BCAS3: variants seen among roughly 807,000 people sequenced by gnomAD.
The protein encoded by BCAS3 is BCAS3 microtubule associated cell migration factor.
In BCAS3, 53 loss-of-function variants were observed where a neutral mutation model predicts 116.1. The observed-to-expected ratio is 0.46, with a 90% confidence interval of 0.37 to 0.57. BCAS3 has a LOEUF of 0.57. BCAS3 is among the 20% of genes least tolerant of loss of function. The pLI, the probability that BCAS3 is intolerant of heterozygous loss-of-function variation, is 0.00. For synonymous variants in BCAS3, 391 were observed against 408.2 expected (o/e 0.96, Z 0.51); for missense variants, 917 against 1,165.4 (o/e 0.79, Z 3.10).
At chr17:61,172,620 G>C (rs569938875) in intron 22 of BCAS3, among the ~76,000 whole-genome samples, 1 of 152,068 alleles carries the variant, frequency 6.6e-6, no homozygotes, top group African/African-American at 2.4e-5. Context: ...CTGGGCGACA[G>C]AGCGAGACTC....
chr17:60,848,860 T>C (rs1485617563), intron 7 of BCAS3, among the ~76,000 whole-genome samples: 1 of 150,682 alleles, frequency 6.6e-6, no homozygotes, highest in Non-Finnish European at 1.5e-5. Context: ...AAAAAAGTAC[T>C]CTTGTATTAG....
chr17:60,948,068 A>G (rs992023293), intron 14 of BCAS3, among the ~76,000 whole-genome samples: 2 of 151,928 alleles, frequency 1.3e-5, no homozygotes, highest in Admixed American at 1.3e-4. Flanking sequence ...TGCTTCACAT[A>G]TATTTAATAT....
At chr17:60,917,788 T>C (rs1212996028) in intron 12 of BCAS3, among the ~76,000 whole-genome samples, 1 of 152,184 alleles carries the variant, frequency 6.6e-6, no homozygotes, top group Admixed American at 6.5e-5. Flanking sequence ...AGACAAGGTT[T>C]CGCTATGTTG....
chr17:60,877,417 A>G (rs1165774637), intron 9 of BCAS3, among the ~76,000 whole-genome samples: 3 of 152,152 alleles, frequency 2.0e-5, no homozygotes, highest in African/African-American at 4.8e-5. Context: ...GACTTTTAGT[A>G]AGCACAAAAC....
At chr17:60,788,661 T>C (rs1432952863) in intron 6 of BCAS3, among the ~76,000 whole-genome samples, 1 of 152,150 alleles carries the variant, frequency 6.6e-6, no homozygotes, top group Non-Finnish European at 1.5e-5. Context: ...TTGTTGATGG[T>C]GCCTGGAGCC....
Position 60,910,555 on chromosome 17 carries a change from G to T in BCAS3, c.846G>T (p.Met282Ile), listed in dbSNP as rs370182784. The T allele has an allele frequency of 6.2e-7, 1 of 1,607,890 alleles. No homozygotes were observed. The highest frequency in any genetic ancestry group is 8.5e-7 in the Non-Finnish European group (1 of 1,177,304). The change falls in exon 12 of 24, where the codon ATG (methionine) becomes ATT (isoleucine). Residue 282 changes from methionine (M) to isoleucine (I), a missense_variant. By Grantham distance (10) the Met-to-Ile change is conservative. Around this residue, in one of 3 missense-constraint regions of BCAS3, gnomAD observed 807 missense variants for 1,026.0 expected, o/e 0.79. Transcript: ENST00000407086. Reference protein sequence around the residue: ...AAKTLKSGLTMVGKVVTQLTG... With the variant: ...AAKTLKSGLTIVGKVVTQLTG... ...AGACATTGAAAAGTGGCCTGACAAT[G>T]GTAGGGAAAGTGGTGACTCAGCTGA...
intron 6 of BCAS3, among the ~76,000 whole-genome samples, chr17:60,760,413 G>GC (rs59342350): frequency 0.26 from 40,048 of 151,412 alleles, 11,141 homozygotes; most frequent in African/African-American, 0.71. Context: ...CCCAGCTTTT[G>GC]TTATCTTGGA....
chr17:61,108,526 T>C (rs1678080992), intron 22 of BCAS3, among the ~76,000 whole-genome samples: 1 of 152,064 alleles, frequency 6.6e-6, no homozygotes, highest in Non-Finnish European at 1.5e-5. Flanking sequence ...TTAGGCTCGA[T>C]TTGGTTTTTC....
intron 19 of BCAS3, chr17:61,070,367 ATAT>A: frequency 3.4e-5 from 1 of 29,486 alleles, no homozygotes; most frequent in Middle Eastern, 9.1e-3. Context: ...CTAATTCTGA[ATAT>A]ATATATATAT....
intron 7 of BCAS3, among the ~76,000 whole-genome samples, chr17:60,850,660 A>G (rs528343601): frequency 2.6e-5 from 4 of 152,222 alleles, no homozygotes; most frequent in African/African-American, 9.6e-5. Flanking sequence ...CGCCCGGCCA[A>G]TTTTAGACCT....
chr17:60,681,082 G>A (rs917479891), intron 2 of BCAS3, among the ~76,000 whole-genome samples: 1 of 152,170 alleles, frequency 6.6e-6, no homozygotes, highest in Non-Finnish European at 1.5e-5. Context: ...GCAGGCGCCT[G>A]GAGCCTTAGC....
intron 22 of BCAS3, among the ~76,000 whole-genome samples, chr17:61,341,296 T>C (rs2057132889): frequency 6.6e-6 from 1 of 152,150 alleles, no homozygotes; most frequent in South Asian, 2.1e-4. Context: ...CACCCTGGTC[T>C]AAGGGATGAG....
intron 11 of BCAS3, among the ~76,000 whole-genome samples, chr17:60,909,937 G>A (rs1293890916): frequency 6.6e-6 from 1 of 152,058 alleles, no homozygotes; most frequent in Non-Finnish European, 1.5e-5. Context: ...AACTAATTTA[G>A]TATGATACTT....
chr17:61,066,019 A>G (rs554808051), intron 19 of BCAS3, among the ~76,000 whole-genome samples: 2 of 152,360 alleles, frequency 1.3e-5, no homozygotes, highest in East Asian at 3.9e-4. Context: ...AGGTAACTAT[A>G]TGATTATCTC....
In BCAS3 at chr17:60,961,373, G is replaced by A. The variant is rs1567972565; in HGVS notation, c.1221+14021G>A. ...GGCTAGTCTGAAATCAGTAGGGCTG[G>A]CCAGAAGGAATGTCCAGGTGGAAAC... On this transcript the variant is annotated intron_variant, in intron 14 of 23. Transcript: ENST00000407086. This position sits in a 1 kb window ranked among gnomAD's most constrained non-coding sequence, Gnocchi z 4.8. 6.6e-6 allele frequency among the ~76,000 whole-genome samples: 1 copy of A among 152,084 alleles called. No individual in the cohort carries two copies. The highest frequency in any genetic ancestry group is 1.5e-5 in the Non-Finnish European group (1 of 68,032).
At chr17:60,772,725 C>A (rs1289836612) in intron 6 of BCAS3, among the ~76,000 whole-genome samples, 1 of 152,108 alleles carries the variant, frequency 6.6e-6, no homozygotes, top group Non-Finnish European at 1.5e-5. Flanking sequence ...AGCAAAAATA[C>A]AAAAATTAAC....
At chr17:61,192,054 G>A (rs998332955) in intron 22 of BCAS3, among the ~76,000 whole-genome samples, 5 of 151,846 alleles carry the variant, frequency 3.3e-5, no homozygotes, top group Non-Finnish European at 7.4e-5. Flanking sequence ...ACACCAGCCT[G>A]GCCAAAATGG....
intron 5 of BCAS3, among the ~76,000 whole-genome samples, chr17:60,711,395 G>A (rs1215857022): frequency 3.3e-5 from 5 of 151,898 alleles, no homozygotes; most frequent in Non-Finnish European, 4.4e-5. Flanking sequence ...AAACAAAAGG[G>A]TTTTGTAAAT....
At chr17:61,009,738 A>G (rs1423153964) in intron 15 of BCAS3, among the ~76,000 whole-genome samples, 1 of 152,022 alleles carries the variant, frequency 6.6e-6, no homozygotes, top group African/African-American at 2.4e-5. Flanking sequence ...ATGTTCAACA[A>G]TTTCAGTTTT....
Sources: allele counts gnomAD v4.1 joint callset (sites outside exome capture counted in the v4.1 genomes callset), GRCh38; gene constraint gnomAD v4.1.1; regional missense constraint gnomAD v4.1.1; non-coding constraint Gnocchi (gnomAD v3.1); transcripts MANE v1.5; gene names NCBI Gene and HGNC (gene_info 2026-07-23, HGNC 2026-07-21).